Variants in CPT1C observed in about 807,000 individuals in gnomAD.
CPT1C encodes the protein carnitine palmitoyltransferase 1C.
Under a neutral mutation model 97.3 loss-of-function variants are expected in CPT1C, and 61 were observed. That is an observed-to-expected ratio of 0.63 (90% CI 0.51 to 0.78). The LOEUF (loss-of-function observed/expected upper bound fraction) is 0.78, where lower values mean the gene tolerates loss of function less well. Among genes scored for constraint, CPT1C ranks in the 30% least tolerant of loss-of-function variants. The pLI is 0.00. For synonymous variants in CPT1C, 469 were observed against 447.2 expected, an observed-to-expected ratio of 1.05 and a Z score of -0.61; for missense variants, 975 against 1,065.5, an observed-to-expected ratio of 0.92 and a Z score of 1.18.
intron 13 of CPT1C, among the ~76,000 whole-genome samples, chr19:49,708,002 C>CAAAAAAAAAAAAAA (rs60276067): frequency 1.2e-4 from 7 of 56,772 alleles, no homozygotes; most frequent in East Asian, 6.7e-4. Flanking sequence ...GAATACATCT[C>CAAAAAAAAAAAAAA]AAAAAAAAAA....
chr19:49,698,457 G>C (rs2082795333), intron 4 of CPT1C, among the ~76,000 whole-genome samples: 1 of 151,924 alleles, frequency 6.6e-6, no homozygotes, highest in Admixed American at 6.6e-5. Flanking sequence ...GAGGTCAGGA[G>C]TTTGAGACCA....
chr19:49,701,732 C>T, intron 7 of CPT1C, 98 bp downstream of exon 7: 3 of 1,366,946 alleles, frequency 2.2e-6, no homozygotes, highest in Non-Finnish European at 2.9e-6. Flanking sequence ...CCACGACACG[C>T]CCACAACCCA....
At chr19:49,711,411 C>T (rs115469517) in intron 16 of CPT1C, 5 of 179,914 alleles carry the variant, frequency 2.8e-5, no homozygotes, top group African/African-American at 9.4e-5. Flanking sequence ...CTGGCTGGAA[C>T]TCCATTTTTA....
intron 7 of CPT1C, 172 bp from the exon 8 acceptor site, chr19:49,704,538 A>C: frequency 1.6e-6 from 1 of 614,682 alleles, no homozygotes; most frequent in South Asian, 1.9e-5. Context: ...TAGCTAACTG[A>C]TCCCCCATGG....
At position 49,701,402 on chromosome 19, in the gene CPT1C, A is replaced by G. The variant is rs772453032; in HGVS notation, c.539A>G (p.Gln180Arg). The G allele has an allele frequency of 1.6e-5, 25 of 1,612,404 alleles. No homozygotes were observed. The Admixed American group carries it at 3.3e-4, about 22-fold the overall frequency. Residue 180 changes from glutamine (Q) to arginine (R), a missense_variant, in exon 6 of 20, where the codon CAG (glutamine) becomes CGG (arginine). Physicochemically the swap from Gln to Arg is conservative, Grantham distance 43. Transcript: ENST00000598293. ...SLPRQPVPSV[Q>R]DTVRKYLESV... ...CCACGCCAGCCCGTGCCCTCTGTGC[A>G]GGACACCGTGCGCAAGGTGGGCCTG...
intron 3 of CPT1C, among the ~76,000 whole-genome samples, chr19:49,694,571 G>A (rs1437150988): frequency 6.7e-6 from 1 of 150,018 alleles, no homozygotes; most frequent in African/African-American, 2.5e-5. Flanking sequence ...AGAGATTGCA[G>A]TGAGCCAAGA....
chr19:49,712,926 G>C, intron 18 of CPT1C, 46 bp from the exon 19 acceptor site: 1 of 1,590,886 alleles, frequency 6.3e-7, no homozygotes, highest in Non-Finnish European at 8.6e-7. Context: ...AGTGGGGGTG[G>C]AGGGGACCGG....
chr19:49,701,231 G>T, intron 5 of CPT1C, 86 bp from the exon 6 acceptor site: 2 of 1,084,224 alleles, frequency 1.8e-6, no homozygotes, highest in South Asian at 3.0e-5. Context: ...CCTTCTCTTT[G>T]GGTTTCTGTC....
chr19:49,702,575 G>A (rs1199365746), intron 7 of CPT1C, among the ~76,000 whole-genome samples: 2 of 150,304 alleles, frequency 1.3e-5, no homozygotes, highest in Admixed American at 6.7e-5. Flanking sequence ...AACTGAGATC[G>A]CGCCACTGCA....
chr19:49,700,702 G>A lies in CPT1C; in HGVS notation c.300G>A (p.Gly100=), dbSNP rs1358492537. 2 of 1,609,776 alleles carry A rather than the reference G, an allele frequency of 1.2e-6. No individual in the cohort carries two copies. Among genetic ancestry groups the A allele is most frequent in the Non-Finnish European group, 1.7e-6 (2 of 1,180,008 alleles). The part of the protein sequence containing the change: ...LLPDWGGQHH[G]LRGVLAAALF... The stretch of plus-strand genomic sequence containing the variant: ...CCCGCAGGGGTGGACAACACCACGG[G>A]CTCCGGGGGGTCCTGGCAGCCGCGC... Residue 100 remains glycine (G), a synonymous_variant, in exon 5 of 20, where the codon GGG becomes GGA. Coordinates refer to ENST00000598293, the MANE Select transcript of CPT1C (RefSeq NM_001199753.2).
chr19:49,700,896 C>G, intron 5 of CPT1C, 41 bp downstream of exon 5: 1 of 1,583,878 alleles, frequency 6.3e-7, no homozygotes, highest in Non-Finnish European at 8.6e-7. Flanking sequence ...CTCCTGGGAC[C>G]CGCTTATCTA....
chr19:49,700,898 GC>G (rs1568515687), intron 5 of CPT1C, 43 bp downstream of exon 5: 2 of 1,594,478 alleles, frequency 1.3e-6, no homozygotes, highest in East Asian at 4.5e-5. Flanking sequence ...CCTGGGACCC[GC>G]TTATCTATTC....
rs1002644995 is a variant in CPT1C, at chr19:49,702,161, T to C, written c.693+527T>C. Among the ~76,000 whole-genome samples, 9 of 125,330 alleles carry C rather than the reference T, an allele frequency of 7.2e-5. 3 individuals are homozygous for C. The highest frequency in any genetic ancestry group is 1.5e-4 in the Non-Finnish European group (9 of 60,722). The allele number at this position is 125,330 out of a possible 152,430, so 82.2% of individuals were successfully genotyped here. ...TAAATATATATTTATTTATAAATTA[T>C]AAATAAATATATATTTATTTATATA... On this transcript the variant is annotated intron_variant, in intron 7 of 19. Transcript: ENST00000598293.
At chr19:49,703,288 C>G (rs1014002381) in intron 7 of CPT1C, among the ~76,000 whole-genome samples, 6 of 151,734 alleles carry the variant, frequency 4.0e-5, no homozygotes, top group African/African-American at 1.2e-4. Context: ...CAGCTCACTG[C>G]AAGCTCTACC....
In CPT1C at chr19:49,700,867, G is replaced by C; in HGVS notation, c.453+12G>C. On this transcript the variant is annotated intron_variant, in intron 5 of 19. Coordinates refer to ENST00000598293, the MANE Select transcript of CPT1C (RefSeq NM_001199753.2). ...CCAAGACCTGGCTGGTATGGGAGGG[G>C]CATAGCCCTGCTCAGGCTCTCCTGG... 3.7e-6 allele frequency: 6 copies of C among 1,609,460 alleles called. No homozygotes were observed. Among genetic ancestry groups the C allele is most frequent in the Non-Finnish European group, 4.2e-6 (5 of 1,179,082 alleles).
At chr19:49,700,140 C>A (rs531198528) in intron 4 of CPT1C, among the ~76,000 whole-genome samples, 1 of 139,308 alleles carries the variant, frequency 7.2e-6, no homozygotes, top group Non-Finnish European at 1.6e-5. Flanking sequence ...CCAGCTACTC[C>A]GGAGGCTGAG....
At chr19:49,698,297 C>G (rs921421393) in intron 4 of CPT1C, among the ~76,000 whole-genome samples, 1 of 151,292 alleles carries the variant, frequency 6.6e-6, no homozygotes, top group Non-Finnish European at 1.5e-5. Context: ...CTCAGGAGGT[C>G]GAGGCTGCAG....
chr19:49,703,645 C>T (rs576111380), intron 7 of CPT1C, among the ~76,000 whole-genome samples: 159 of 119,164 alleles, frequency 1.3e-3, no homozygotes, highest in African/African-American at 4.7e-3. Context: ...TTTCCTTTTT[C>T]TTTCTTGGAA....
intron 16 of CPT1C, 161 bp downstream of exon 16, chr19:49,711,018 G>A: frequency 1.5e-6 from 1 of 675,500 alleles, no homozygotes; most frequent in Non-Finnish European, 2.4e-6. Flanking sequence ...ACTGATGGGG[G>A]GAGACAGCCC....
Sources: gnomAD v4.1 joint callset for allele counts (sites outside exome capture counted in the v4.1 genomes callset) on GRCh38, gnomAD v4.1.1 for gene constraint, MANE v1.5 for transcripts, NCBI Gene and HGNC (gene_info 2026-07-23, HGNC 2026-07-21) for gene names.